Variants in INTS9 observed in about 807,000 individuals in gnomAD.
INTS9 encodes protein related to CPSF subunits of 74 kDa.
Under a neutral mutation model 79.7 loss-of-function variants are expected in INTS9, and 55 were observed. The observed-to-expected ratio is 0.69, with a 90% CI of 0.56 to 0.86. The LOEUF (loss-of-function observed/expected upper bound fraction) is 0.86, where lower values mean the gene tolerates loss of function less well. Among genes scored for constraint, INTS9 ranks in the 40% least tolerant of loss-of-function variants. The pLI is 0.00. For missense variants in INTS9, 721 were observed against 831.5 expected (o/e 0.87, Z 1.64); for synonymous variants, 319 against 325.2 (o/e 0.98, Z 0.20).
intron 4 of INTS9, among the ~76,000 whole-genome samples, chr8:28,842,854 G>T (rs1293808800): frequency 6.6e-6 from 1 of 152,154 alleles, no homozygotes; most frequent in African/African-American, 2.4e-5. Flanking sequence ...AGATTTTCAT[G>T]ATGTTCTATT....
At chr8:28,801,090 G>C (rs1804489650) in intron 8 of INTS9, among the ~76,000 whole-genome samples, 1 of 152,162 alleles carries the variant, frequency 6.6e-6, no homozygotes, top group Non-Finnish European at 1.5e-5. Context: ...TTCCAGATCA[G>C]AGCATAGTAT....
In INTS9 at chr8:28,786,756, G is replaced by C. The variant is rs545878174; in HGVS notation, c.1098+1073C>G. On this transcript the variant is annotated intron_variant, in intron 11 of 16. Transcript: ENST00000521022. ...TTTTTGAGACGGAGTCTCACTCTGT[G>C]ACCCAGGCTAGAGTGCAGTGGCGCG... Among the ~76,000 whole-genome samples the C allele has an allele frequency of 1.3e-3, 192 of 152,150 alleles. 3 individuals carry two copies. Among genetic ancestry groups the C allele is most frequent in the Non-Finnish European group, 4.1e-4 (28 of 67,988 alleles).
chr8:28,880,390 C>G (rs1379343231), intron 1 of INTS9, among the ~76,000 whole-genome samples: 1 of 152,136 alleles, frequency 6.6e-6, no homozygotes, highest in Non-Finnish European at 1.5e-5. Context: ...TGCCGAGTGC[C>G]TGCGATTGCA....
intron 13 of INTS9, 96 bp from the exon 14 acceptor site, chr8:28,776,022 C>T (rs1191255786): frequency 1.1e-5 from 11 of 962,272 alleles, no homozygotes; most frequent in South Asian, 1.9e-5. Context: ...CCCGCCATTA[C>T]AGGCTCACCA....
chr8:28,795,824 G>A (rs539249271), intron 9 of INTS9, among the ~76,000 whole-genome samples: 25 of 152,102 alleles, frequency 1.6e-4, no homozygotes, highest in African/African-American at 5.3e-4. Context: ...ATTTTGTTAC[G>A]GCAGCCCAAA....
chr8:28,795,555 G>A (rs957328451), intron 9 of INTS9, among the ~76,000 whole-genome samples: 7 of 145,804 alleles, frequency 4.8e-5, no homozygotes, highest in Non-Finnish European at 7.4e-5. Context: ...CAGGAGAATC[G>A]CTTGAACCTG....
rs539696396 is a variant in INTS9, at chr8:28,815,586, C to T, written c.489-1974G>A. Among the ~76,000 whole-genome samples, 16 of 152,140 alleles carry T rather than the reference C, an allele frequency of 1.1e-4. No individual in the cohort carries two copies. In the South Asian group the frequency reaches 2.3e-3, roughly 22 times the overall value. On this transcript the variant is annotated intron_variant, in intron 6 of 16. Transcript: ENST00000521022. ...TGCTCAATCAGCAATATTCCAAAAT[C>T]GGAAAAAGTCTGAAGTCTGAAACAC...
chr8:28,874,358 C>T lies in INTS9; in HGVS notation c.10-14795G>A, dbSNP rs1809260344. Among the ~76,000 whole-genome samples, 4 of 151,494 alleles carry T rather than the reference C, an allele frequency of 2.6e-5. No homozygotes were observed. In the South Asian group the frequency reaches 6.3e-4, roughly 24 times the overall value. ...AAGCTGGAGTGCAGTGGCGTGACCT[C>T]GGCTCACTGCAAGCTCCTCTTCCCA... is the stretch of plus-strand genomic sequence containing the variant. On this transcript the variant is annotated intron_variant, in intron 1 of 16. Transcript: ENST00000521022.
rs918205700 is a variant in INTS9 at position 28,826,798 on chromosome 8, G to C, written c.488+8494C>G. ...TGGCATCTATTTTTTTGCTTGACAA[G>C]CTCCTTGAGTAGAGCGACTAAATCT... is the stretch of plus-strand genomic sequence containing the variant. On this transcript the variant is annotated intron_variant, in intron 6 of 16. Transcript: ENST00000521022. 3.9e-5 allele frequency among the ~76,000 whole-genome samples: 6 copies of C among 152,278 alleles called. No individual in the cohort carries two copies. The East Asian group carries it at 9.7e-4, about 25-fold the overall frequency.
chr8:28,836,349 C>T (rs1195147079), intron 5 of INTS9, among the ~76,000 whole-genome samples: 6 of 152,080 alleles, frequency 3.9e-5, no homozygotes, highest in South Asian at 2.1e-4. Flanking sequence ...CAGAGAACTG[C>T]GGGAATTCTT....
intron 10 of INTS9, 43 bp downstream of exon 10, chr8:28,793,764 A>G: frequency 7.0e-7 from 1 of 1,434,330 alleles, no homozygotes; most frequent in Non-Finnish European, 9.4e-7. Context: ...AATGTCCTGA[A>G]TCAAATAAAA....
intron 10 of INTS9, among the ~76,000 whole-genome samples, chr8:28,789,998 C>G (rs1374428048): frequency 6.6e-6 from 1 of 152,180 alleles, no homozygotes; most frequent in African/African-American, 2.4e-5. Context: ...ACAAAACCAA[C>G]CCAAACAACC....
At chr8:28,852,186 C>A (rs2131263881) in intron 2 of INTS9, among the ~76,000 whole-genome samples, 1 of 151,346 alleles carries the variant, frequency 6.6e-6, no homozygotes, top group Non-Finnish European at 1.5e-5. Flanking sequence ...GCCACTGCCA[C>A]AAAGCAAGAT....
intron 6 of INTS9, among the ~76,000 whole-genome samples, chr8:28,814,070 T>TAAA (rs771902608): frequency 3.5e-5 from 5 of 141,948 alleles, no homozygotes; most frequent in East Asian, 2.0e-4. Context: ...TTTCTTTTTT[T>TAAA]AAAAAAAAAA....
chr8:28,872,568 G>A (rs1160614705), intron 1 of INTS9, among the ~76,000 whole-genome samples: 1 of 151,984 alleles, frequency 6.6e-6, no homozygotes, highest in African/African-American at 2.4e-5. Context: ...TAGAAGTAGT[G>A]TACACAACTT....
intron 1 of INTS9, among the ~76,000 whole-genome samples, chr8:28,884,096 G>T (rs959750220): frequency 2.1e-5 from 3 of 145,604 alleles, no homozygotes; most frequent in Non-Finnish European, 3.0e-5. Flanking sequence ...TGGCTTTGCT[G>T]ATTGACCATA....
chr8:28,769,239 A>ATGAT (rs1802387863), intron 16 of INTS9, among the ~76,000 whole-genome samples: 1 of 152,230 alleles, frequency 6.6e-6, no homozygotes, highest in Non-Finnish European at 1.5e-5. Context: ...CTTCCTTGTA[A>ATGAT]TGATTGTAAT....
chr8:28,889,242 T>C (rs1383789057), intron 1 of INTS9, among the ~76,000 whole-genome samples: 3 of 152,170 alleles, frequency 2.0e-5, no homozygotes, highest in Non-Finnish European at 4.4e-5. Context: ...AGACTTCAGG[T>C]ATACCGAGCA....
intron 1 of INTS9, among the ~76,000 whole-genome samples, chr8:28,863,311 T>G (rs988819252): frequency 6.6e-6 from 1 of 152,258 alleles, no homozygotes; most frequent in African/African-American, 2.4e-5. Context: ...ATGTTCATTT[T>G]ATTCCTACTT....
Sources: allele counts gnomAD v4.1 joint callset (sites outside exome capture counted in the v4.1 genomes callset), GRCh38; gene constraint gnomAD v4.1.1; transcripts MANE v1.5; gene names NCBI Gene and HGNC (gene_info 2026-07-23, HGNC 2026-07-21).